TRRAP: variants seen among roughly 807,000 people sequenced by gnomAD.
TRRAP encodes the protein transformation/transcription domain associated protein.
A neutral mutation model predicts 438.8 loss-of-function variants in TRRAP; 41 were observed. That is an observed-to-expected ratio of 0.09 (90% CI 0.07 to 0.12). TRRAP has a LOEUF of 0.12. TRRAP is among the 10% of genes least tolerant of loss of function. The pLI, the probability that TRRAP is intolerant of heterozygous loss-of-function variation, is 1.00. For missense variants in TRRAP, 3,122 were observed against 5,055.1 expected, an observed-to-expected ratio of 0.62 and a Z score of 11.60; for synonymous variants, 1,994 against 1,962.9, an observed-to-expected ratio of 1.02 and a Z score of -0.42.
intron 33 of TRRAP, among the ~76,000 whole-genome samples, chr7:98,947,722 C>CT (rs1321528524): frequency 6.6e-6 from 1 of 152,206 alleles, no homozygotes; most frequent in Non-Finnish European, 1.5e-5. Flanking sequence ...TCCCAAAGTG[C>CT]TGGGATTACA....
Position 99,011,101 on chromosome 7 carries a change from G to C in TRRAP, c.10988G>C (p.Ser3663Thr). 6.2e-7 allele frequency: 1 copy of C among 1,614,190 alleles called. No homozygotes were observed. The highest frequency in any genetic ancestry group is 8.5e-7 in the Non-Finnish European group (1 of 1,180,040). The change falls in exon 71 of 73, where the codon AGC becomes ACC. Residue 3663 changes from serine to threonine, a missense_variant. Coordinates refer to ENST00000456197, the MANE Select transcript of TRRAP (RefSeq NM_001375524.1). The surrounding 1 kb of genome is among the most constrained non-coding windows in gnomAD (Gnocchi z 7.1). ...GTTCAGAGTAACATGGTGCCGCGCA[G>C]CATGCTCAAGGAGTGGGCGCTGCAC... ...KEVQSNMVPRSMLKEWALHTF... is the reference protein window; with the variant it reads ...KEVQSNMVPRTMLKEWALHTF...
At chr7:98,955,057 C>T in intron 40 of TRRAP, 41 bp from the exon 41 acceptor site, 1 of 1,574,668 alleles carries the variant, frequency 6.4e-7, no homozygotes, top group Non-Finnish European at 8.7e-7. Flanking sequence ...TTCTTAAAGC[C>T]TTCCTTCTCA....
intron 40 of TRRAP, among the ~76,000 whole-genome samples, chr7:98,954,766 G>A (rs1323559669): frequency 2.6e-5 from 4 of 152,178 alleles, no homozygotes; most frequent in Non-Finnish European, 4.4e-5. Context: ...TTCCCATCCT[G>A]CAGTCGGAGG....
intron 3 of TRRAP, among the ~76,000 whole-genome samples, chr7:98,883,918 A>G (rs1460550822): frequency 6.6e-6 from 1 of 152,164 alleles, no homozygotes; most frequent in Non-Finnish European, 1.5e-5. Flanking sequence ...TTGTCGTAGT[A>G]GGCAGTTCAG....
At chr7:98,938,423 C>T (rs1407754580) in intron 30 of TRRAP, among the ~76,000 whole-genome samples, 1 of 152,154 alleles carries the variant, frequency 6.6e-6, no homozygotes, top group Non-Finnish European at 1.5e-5. Context: ...AGCCTCCCTC[C>T]CACCCTGTCC....
chr7:98,958,107 G>C lies in TRRAP; in HGVS notation c.6342+16G>C. On this transcript the variant is annotated intron_variant, in intron 44 of 72. Transcript: ENST00000456197. The stretch of plus-strand genomic sequence containing the variant: ...GGCCTGTCAGGTACGGGATCCAAGT[G>C]CCCTGCGTTAGGGCTTCTGCAGACC... The C allele has an allele frequency of 6.2e-7, 1 of 1,610,846 alleles. No individual in the cohort carries two copies. The highest frequency in any genetic ancestry group is 1.1e-5 in the South Asian group (1 of 90,610).
In TRRAP at chr7:98,976,716, G is replaced by A; in HGVS notation, c.8193G>A (p.Lys2731=). Residue 2731 remains lysine (K), a synonymous_variant, in exon 55 of 73, where the codon AAG becomes AAA. Transcript: ENST00000456197. This position sits in a 1 kb window ranked among gnomAD's most constrained non-coding sequence, Gnocchi z 4.6. ...AFEKGLSLQI[K]PKQTTEFYEQ... is the part of the protein sequence containing the mutation. ...AAAAGGGTCTGAGTCTTCAGATTAA[G>A]CCGAAGCAAACAACGGAGTTTTATG... 3.1e-6 allele frequency: 5 copies of A among 1,614,088 alleles called. No individual in the cohort carries two copies. The highest frequency in any genetic ancestry group is 1.7e-6 in the Non-Finnish European group (2 of 1,180,048).
Position 98,967,374 on chromosome 7 carries a change from G to A in TRRAP, c.7299-111G>A, listed in dbSNP as rs574294828. ...TGCCACGATTTATAACATACTCTTG[G>A]TTTTCATAGTGGCATTTCAGCAAGT... On this transcript the variant is annotated intron_variant, in intron 50 of 72. Transcript: ENST00000456197. 3,794 of 1,364,094 alleles carry A rather than the reference G, an allele frequency of 2.8e-3. 120 individuals are homozygous for A. In the South Asian group the frequency reaches 0.047, roughly 17 times the overall value. The allele number at this position is 1,364,094 out of a possible 1,614,324, so 84.5% of individuals were successfully genotyped here.
chr7:98,906,119 A>G (rs1392887735), intron 12 of TRRAP, 58 bp from the exon 13 acceptor site: 5 of 1,513,232 alleles, frequency 3.3e-6, no homozygotes, highest in Non-Finnish European at 3.7e-6. Flanking sequence ...CTGTAAAGTA[A>G]TTTAATGTGT....
At chr7:98,885,012 C>G (rs1197327511) in intron 3 of TRRAP, among the ~76,000 whole-genome samples, 1 of 152,082 alleles carries the variant, frequency 6.6e-6, no homozygotes, top group Non-Finnish European at 1.5e-5. Context: ...AATGTGCTGA[C>G]ATAACAAGGT....
intron 25 of TRRAP, 150 bp from the exon 26 acceptor site, chr7:98,931,254 AG>A: frequency 2.7e-6 from 3 of 1,112,076 alleles, no homozygotes; most frequent in Non-Finnish European, 3.8e-6. Context: ...TAAAGCACCA[AG>A]TGGGTGCCGT....
At chr7:99,007,371 C>T (rs549855781) in intron 69 of TRRAP, among the ~76,000 whole-genome samples, 10 of 152,262 alleles carry the variant, frequency 6.6e-5, no homozygotes, top group East Asian at 5.8e-4. Context: ...TTTTTTGAGA[C>T]GGAGTCTCAC....
intron 67 of TRRAP, among the ~76,000 whole-genome samples, chr7:99,002,961 C>T (rs1410587148): frequency 6.6e-6 from 1 of 152,172 alleles, no homozygotes; most frequent in Non-Finnish European, 1.5e-5. Flanking sequence ...GTTCCTATAC[C>T]ACGGGTTAGA....
At chr7:98,990,741 G>A in intron 64 of TRRAP, 122 bp downstream of exon 64, 2 of 1,066,342 alleles carry the variant, frequency 1.9e-6, no homozygotes, top group South Asian at 4.0e-5. Flanking sequence ...TAAAGAGATG[G>A]GAAGATATAA....
At chr7:99,002,966 G>T (rs2116851455) in intron 67 of TRRAP, among the ~76,000 whole-genome samples, 1 of 152,290 alleles carries the variant, frequency 6.6e-6, no homozygotes, top group Non-Finnish European at 1.5e-5. Flanking sequence ...TATACCACGG[G>T]TTAGAAAAGT....
rs922938187 is a variant in TRRAP, at chr7:98,988,556, G to A, written c.9390-209G>A. 8.5e-5 allele frequency among the ~76,000 whole-genome samples: 13 copies of A among 152,122 alleles called. 1 individual carries two copies. The highest frequency in any genetic ancestry group is 3.1e-4 in the African/African-American group (13 of 41,416). The stretch of plus-strand genomic sequence containing the variant: ...CAATTTATATGAAATGTACAGAACC[G>A]GTCAATCCACAGAGACAGAAGGCAG... On this transcript the variant is annotated intron_variant, in intron 62 of 72. Transcript: ENST00000456197.
In TRRAP at chr7:98,910,529, C is replaced by A; in HGVS notation, c.1734C>A (p.Asn578Lys). Residue 578 changes from asparagine (N) to lysine (K), a missense_variant, in exon 16 of 73, where the codon AAC (asparagine) becomes AAA (lysine). By Grantham distance (94) the Asn-to-Lys change is moderately conservative. This residue lies in a region of TRRAP where 149 missense variants were observed against 302.8 expected (regional missense o/e 0.49). Transcript: ENST00000456197. ...TTCCAGAAGCTCAGTTCATTCCCAA[C>A]AAGCAGTTACAACCCAAAGAGACAC... ...KAPGEAQFIP[N>K]KQLQPKETQI... 1 of 1,614,038 alleles carries A rather than the reference C, an allele frequency of 6.2e-7. No homozygotes were observed. Among genetic ancestry groups the A allele is most frequent in the Non-Finnish European group, 8.5e-7 (1 of 1,180,028 alleles).
At chr7:98,887,426 A>C (rs1795761542) in intron 3 of TRRAP, among the ~76,000 whole-genome samples, 1 of 152,058 alleles carries the variant, frequency 6.6e-6, no homozygotes, top group Non-Finnish European at 1.5e-5. Context: ...AAGGTGCCAA[A>C]CACAGTTCTT....
At chr7:98,895,915 G>A in intron 7 of TRRAP, 95 bp downstream of exon 7, 4 of 954,164 alleles carry the variant, frequency 4.2e-6, no homozygotes, top group Non-Finnish European at 6.1e-6. Flanking sequence ...AATAGTGTGT[G>A]GGGAGGGTTT....
Sources: allele counts gnomAD v4.1 joint callset (sites outside exome capture counted in the v4.1 genomes callset), GRCh38; gene constraint gnomAD v4.1.1; regional missense constraint gnomAD v4.1.1; non-coding constraint Gnocchi (gnomAD v3.1); transcripts MANE v1.5; gene names NCBI Gene and HGNC (gene_info 2026-07-23, HGNC 2026-07-21).